CCSER1: variants seen among roughly 807,000 people sequenced by gnomAD.
The protein encoded by CCSER1 is serine-rich coiled-coil domain-containing protein 1.
A neutral mutation model predicts 82.0 loss-of-function variants in CCSER1; 41 were observed. The observed-to-expected ratio is 0.50, with a 90% confidence interval of 0.39 to 0.65. CCSER1 has a LOEUF of 0.65. CCSER1 is among the 30% of genes least tolerant of loss of function. CCSER1 has a pLI of 0.00. For missense variants in CCSER1, 1,119 were observed against 1,064.2 expected, an observed-to-expected ratio of 1.05 and a Z score of -0.72; for synonymous variants, 414 against 383.9, an observed-to-expected ratio of 1.08 and a Z score of -0.92.
At chr4:91,576,503 T>C (rs1369327067) in intron 10 of CCSER1, among the ~76,000 whole-genome samples, 1 of 151,982 alleles carries the variant, frequency 6.6e-6, no homozygotes. Flanking sequence ...TTTAATAATG[T>C]ATTTTTGAAA....
chr4:90,634,141 A>G (rs948246269), intron 6 of CCSER1, among the ~76,000 whole-genome samples: 2 of 151,672 alleles, frequency 1.3e-5, no homozygotes, highest in African/African-American at 4.8e-5. Context: ...AGTTTGCTCT[A>G]TTCTCTTTAT....
At chr4:91,402,261 T>C (rs1234055268) in intron 10 of CCSER1, among the ~76,000 whole-genome samples, 1 of 152,162 alleles carries the variant, frequency 6.6e-6, no homozygotes, top group Non-Finnish European at 1.5e-5. Flanking sequence ...TTCTTGTAAA[T>C]TTGTTTAAGT....
chr4:90,694,966 T>C (rs1372860311), intron 6 of CCSER1, among the ~76,000 whole-genome samples: 1 of 151,470 alleles, frequency 6.6e-6, no homozygotes, highest in East Asian at 1.9e-4. Flanking sequence ...AATTTACCAG[T>C]AACATACATT....
chr4:90,406,793 A>C (rs978394944), intron 4 of CCSER1, among the ~76,000 whole-genome samples: 16 of 152,214 alleles, frequency 1.1e-4, no homozygotes, highest in Non-Finnish European at 4.4e-5. Context: ...GAACTTAAAA[A>C]ATTATTTGAA....
chr4:90,942,290 T>C (rs543595087), intron 9 of CCSER1, among the ~76,000 whole-genome samples: 1 of 152,248 alleles, frequency 6.6e-6, no homozygotes, highest in Admixed American at 6.5e-5. Flanking sequence ...TCTTTTGGTA[T>C]CTGAATTTGC....
intron 10 of CCSER1, among the ~76,000 whole-genome samples, chr4:91,527,227 C>A (rs1760811593): frequency 6.6e-6 from 1 of 152,110 alleles, no homozygotes; most frequent in Non-Finnish European, 1.5e-5. Context: ...AACAATGAGT[C>A]ATCTATTGTA....
chr4:91,005,020 G>T (rs954097646), intron 9 of CCSER1, among the ~76,000 whole-genome samples: 1 of 152,034 alleles, frequency 6.6e-6, no homozygotes, highest in Non-Finnish European at 1.5e-5. Flanking sequence ...AAATGAATAG[G>T]GACAGCATTG....
Position 91,019,934 on chromosome 4 carries a change from T to C in CCSER1, c.2173-66016T>C, listed in dbSNP as rs182181062. 3.0e-4 allele frequency among the ~76,000 whole-genome samples: 46 copies of C among 152,360 alleles called. 1 individual carries two copies. The highest frequency in any genetic ancestry group is 9.6e-4 in the African/African-American group (40 of 41,578). On this transcript the variant is annotated intron_variant, in intron 9 of 10. Coordinates refer to ENST00000509176, the MANE Select transcript of CCSER1 (RefSeq NM_001145065.2). Reference sequence around the variant, plus strand: ...CTGTGTACAAATATGCTATATTAATTTAATAGCCATTAAAGAAGAAAGAAC... The same window carrying C: ...CTGTGTACAAATATGCTATATTAATCTAATAGCCATTAAAGAAGAAAGAAC...
intron 9 of CCSER1, among the ~76,000 whole-genome samples, chr4:90,971,877 A>G (rs1197805743): frequency 2.6e-5 from 4 of 152,000 alleles, no homozygotes; most frequent in Non-Finnish European, 5.9e-5. Flanking sequence ...CAACACATGA[A>G]CAGAATGAAG....
At chr4:91,138,983 G>C (rs530137070) in intron 10 of CCSER1, among the ~76,000 whole-genome samples, 1 of 152,158 alleles carries the variant, frequency 6.6e-6, no homozygotes, top group Non-Finnish European at 1.5e-5. Context: ...TGTCACCCAG[G>C]TGGTGAGCAT....
At chr4:90,534,521 A>G (rs913056433) in intron 5 of CCSER1, among the ~76,000 whole-genome samples, 2 of 150,154 alleles carry the variant, frequency 1.3e-5, no homozygotes, top group African/African-American at 4.9e-5. Context: ...TAAAAACTTT[A>G]CTATGGACGA....
At chr4:90,536,388 A>G (rs548062368) in intron 5 of CCSER1, among the ~76,000 whole-genome samples, 9 of 152,274 alleles carry the variant, frequency 5.9e-5, no homozygotes, top group Admixed American at 3.9e-4. Context: ...GAGAGTTGCG[A>G]TAATTAGCCT....
intron 10 of CCSER1, among the ~76,000 whole-genome samples, chr4:91,152,963 T>C (rs1371328294): frequency 2.6e-5 from 4 of 151,960 alleles, no homozygotes; most frequent in African/African-American, 7.2e-5. Context: ...TCATTTCTAC[T>C]TTGGTGAATC....
intron 5 of CCSER1, among the ~76,000 whole-genome samples, chr4:90,496,255 ATAT>A (rs1308069748): frequency 6.6e-6 from 1 of 152,218 alleles, no homozygotes; most frequent in African/African-American, 2.4e-5. Context: ...AACACATAAA[ATAT>A]TGTGTTCTTT....
intron 8 of CCSER1, among the ~76,000 whole-genome samples, chr4:90,827,903 A>G (rs1378936975): frequency 2.6e-5 from 4 of 152,050 alleles, no homozygotes; most frequent in Non-Finnish European, 1.5e-5. Context: ...ATTCTTATAT[A>G]CCCTGGTTAT....
intron 10 of CCSER1, among the ~76,000 whole-genome samples, chr4:91,444,917 A>G (rs1050525087): frequency 4.6e-5 from 7 of 152,250 alleles, no homozygotes; most frequent in Admixed American, 1.3e-4. Context: ...CACTATGGCT[A>G]AACATTCCAT....
chr4:90,245,543 A>C (rs758428424), intron 1 of CCSER1, among the ~76,000 whole-genome samples: 3 of 152,168 alleles, frequency 2.0e-5, no homozygotes, highest in Non-Finnish European at 4.4e-5. Flanking sequence ...TTAACTACAG[A>C]GTTTTTATTT....
At chr4:90,513,528 C>T (rs774433447) in intron 5 of CCSER1, among the ~76,000 whole-genome samples, 7 of 152,144 alleles carry the variant, frequency 4.6e-5, no homozygotes, top group Admixed American at 1.3e-4. Context: ...CTTTTTCTCT[C>T]GATTAGAATG....
At chr4:91,309,335 T>A (rs1304206527) in intron 10 of CCSER1, among the ~76,000 whole-genome samples, 1 of 127,192 alleles carries the variant, frequency 7.9e-6, no homozygotes, top group African/African-American at 3.0e-5. Flanking sequence ...AGGCCACTGA[T>A]GATTCTGTAA....
Sources: gnomAD v4.1 joint callset for allele counts (sites outside exome capture counted in the v4.1 genomes callset) on GRCh38, gnomAD v4.1.1 for gene constraint, MANE v1.5 for transcripts, NCBI Gene and HGNC (gene_info 2026-07-23, HGNC 2026-07-21) for gene names.